The following NRXN3 variants were observed in gnomAD, a reference collection of about 807,000 sequenced individuals.
NRXN3 encodes the protein neurexin 3.
NRXN3 carries 32 observed loss-of-function variants against 137.6 expected under a neutral mutation model. The observed-to-expected ratio is 0.23, with a 90% CI of 0.18 to 0.31. The LOEUF is 0.31. NRXN3 is among the 10% of genes least tolerant of loss of function. The pLI is 1.00. For synonymous variants in NRXN3, 798 were observed against 784.5 expected (o/e 1.02, Z -0.29); for missense variants, 1,574 against 2,062.5 (o/e 0.76, Z 4.59).
chr14:79,123,218 T>C (rs1172728850), intron 15 of NRXN3, among the ~76,000 whole-genome samples: 1 of 151,808 alleles, frequency 6.6e-6, no homozygotes, highest in Non-Finnish European at 1.5e-5. Flanking sequence ...TGTGTGTGCG[T>C]GTGTGTGTGC....
intron 8 of NRXN3, among the ~76,000 whole-genome samples, chr14:78,782,975 C>T (rs1426617749): frequency 6.6e-6 from 1 of 152,152 alleles, no homozygotes; most frequent in Admixed American, 6.5e-5. Flanking sequence ...AGAGGATCAC[C>T]AGTAGACAAA....
chr14:79,861,391 G>C lies in NRXN3; in HGVS notation c.4143G>C (p.Ala1381=). 1 of 1,536,158 alleles carries C rather than the reference G, an allele frequency of 6.5e-7. No individual in the cohort carries two copies. The highest frequency in any genetic ancestry group is 8.7e-7 in the Non-Finnish European group (1 of 1,146,930). ...TCGAAGGTGGCTACAAAGCACATGC[G>C]CCCAAGTGGGAATCCAAGGACTTTA... ...SIFEGGYKAH[A]PKWESKDFRP... is the part of the protein sequence containing the mutation. Residue 1381 remains alanine (A), a synonymous_variant, in exon 21 of 21, where the codon GCG becomes GCC. Coordinates refer to ENST00000335750, the MANE Select transcript of NRXN3 (RefSeq NM_001330195.2). The surrounding 1 kb of genome is among the most constrained non-coding windows in gnomAD (Gnocchi z 5.4).
At chr14:79,182,345 A>G (rs1322888195) in intron 15 of NRXN3, among the ~76,000 whole-genome samples, 1 of 151,254 alleles carries the variant, frequency 6.6e-6, no homozygotes, top group African/African-American at 2.4e-5. Flanking sequence ...TAATTATACA[A>G]CTCACCATAA....
intron 4 of NRXN3, among the ~76,000 whole-genome samples, chr14:78,459,659 G>A (rs912260169): frequency 6.6e-5 from 10 of 152,110 alleles, no homozygotes; most frequent in East Asian, 3.8e-4. Context: ...GTGGGATGAT[G>A]GTGAGATTGT....
intron 1 of NRXN3, among the ~76,000 whole-genome samples, chr14:78,209,985 A>C (rs1335156175): frequency 1.3e-5 from 2 of 152,226 alleles, no homozygotes; most frequent in East Asian, 3.8e-4. Context: ...CAAGTATTTT[A>C]ATCTGTTTAC....
rs766353783 is a variant in NRXN3 at position 79,663,873 on chromosome 14, G to A, written c.3540G>A (p.Val1180=). ...RTPVNDGKYH[V]VRFTRNGGNA... ...CTGTAAATGACGGCAAATACCATGT[G>A]GTACGCTTCACCAGGAACGGCGGCA... is the stretch of plus-strand genomic sequence containing the variant. The change falls in exon 17 of 21, where the codon GTG becomes GTA. Residue 1180 remains valine, a synonymous_variant. Transcript: ENST00000335750. 17 of 1,613,450 alleles carry A rather than the reference G, an allele frequency of 1.1e-5. No individual in the cohort carries two copies. The Admixed American group carries it at 2.3e-4, about 22-fold the overall frequency.
intron 15 of NRXN3, among the ~76,000 whole-genome samples, chr14:79,370,366 T>C (rs1324273533): frequency 6.7e-6 from 1 of 149,792 alleles, no homozygotes; most frequent in African/African-American, 2.5e-5. Context: ...TTGCCCAGGC[T>C]GGAGTGAAAT....
intron 16 of NRXN3, among the ~76,000 whole-genome samples, chr14:79,591,283 C>A: frequency 6.6e-6 from 1 of 152,236 alleles, no homozygotes; most frequent in Non-Finnish European, 1.5e-5. Context: ...TGACAGTCAC[C>A]GTGTCATCAA....
chr14:79,743,936 T>G (rs1731405991), intron 19 of NRXN3, among the ~76,000 whole-genome samples: 1 of 152,228 alleles, frequency 6.6e-6, no homozygotes, highest in Admixed American at 6.5e-5. Flanking sequence ...GCATTCTTTT[T>G]GGGAAAAGAG....
intron 17 of NRXN3, among the ~76,000 whole-genome samples, chr14:79,667,919 G>A (rs1401866830): frequency 6.6e-6 from 1 of 152,000 alleles, no homozygotes; most frequent in Non-Finnish European, 1.5e-5. Context: ...TGGGTGGCCG[G>A]TGATACTGTC....
intron 15 of NRXN3, among the ~76,000 whole-genome samples, chr14:78,991,301 A>T (rs17108489): frequency 0.074 from 11,221 of 152,276 alleles, 1,095 homozygotes; most frequent in African/African-American, 0.23. Context: ...AATGGGTCAC[A>T]GCATTAAAAG....
intron 4 of NRXN3, among the ~76,000 whole-genome samples, chr14:78,356,564 T>A (rs895749646): frequency 6.6e-6 from 1 of 152,176 alleles, no homozygotes; most frequent in Non-Finnish European, 1.5e-5. Flanking sequence ...CTCGGGGTAA[T>A]CAATGTCCCT....
At chr14:79,823,608 T>A (rs1327694326) in intron 20 of NRXN3, among the ~76,000 whole-genome samples, 1 of 152,070 alleles carries the variant, frequency 6.6e-6, no homozygotes, top group African/African-American at 2.4e-5. Flanking sequence ...CAAAAATCGA[T>A]GCAGAGCATG....
chr14:78,398,013 G>A (rs1158060127), intron 4 of NRXN3, among the ~76,000 whole-genome samples: 1 of 149,800 alleles, frequency 6.7e-6, no homozygotes, highest in Non-Finnish European at 1.5e-5. Context: ...TCAGGAGTTC[G>A]AGACAAGCCT....
intron 15 of NRXN3, among the ~76,000 whole-genome samples, chr14:79,175,049 C>T (rs901661379): frequency 2.7e-5 from 4 of 148,738 alleles, no homozygotes; most frequent in Non-Finnish European, 5.9e-5. Context: ...GGTGCCATCT[C>T]GGCTCACTGC....
chr14:78,898,088 C>T (rs1345230758), intron 10 of NRXN3, among the ~76,000 whole-genome samples: 1 of 151,794 alleles, frequency 6.6e-6, no homozygotes, highest in Non-Finnish European at 1.5e-5. Context: ...AAAATGAGCA[C>T]CTCTTCTCCC....
chr14:79,392,013 C>G (rs1039685539), intron 15 of NRXN3, among the ~76,000 whole-genome samples: 3 of 151,904 alleles, frequency 2.0e-5, no homozygotes, highest in Non-Finnish European at 4.4e-5. Flanking sequence ...TTTTATTATA[C>G]TTTAAGTTCT....
intron 8 of NRXN3, among the ~76,000 whole-genome samples, chr14:78,752,612 G>A (rs1413355827): frequency 6.6e-6 from 1 of 152,130 alleles, no homozygotes; most frequent in Non-Finnish European, 1.5e-5. Context: ...TATATGTCTT[G>A]GAAGAAGAGA....
At chr14:78,403,938 T>C in intron 4 of NRXN3, 1 of 946,730 alleles carries the variant, frequency 1.1e-6, no homozygotes, top group Non-Finnish European at 1.3e-6. Flanking sequence ...GGGGGTGGGC[T>C]GTTCCCCATT....
Sources: allele counts gnomAD v4.1 joint callset (sites outside exome capture counted in the v4.1 genomes callset), GRCh38; gene constraint gnomAD v4.1.1; non-coding constraint Gnocchi (gnomAD v3.1); transcripts MANE v1.5; gene names NCBI Gene and HGNC (gene_info 2026-07-23, HGNC 2026-07-21).